Variants in CCDC171 observed in about 807,000 individuals in gnomAD.
CCDC171 encodes coiled-coil domain containing 171.
Under a neutral mutation model 168.2 loss-of-function variants are expected in CCDC171, and 177 were observed. The ratio of observed to expected loss-of-function variants is 1.05; its 90% CI spans 0.93 to 1.19. CCDC171 has a LOEUF of 1.19. Among genes scored for constraint, CCDC171 ranks in the 50% most tolerant of loss-of-function variants. The pLI, the probability that CCDC171 is intolerant of heterozygous loss-of-function variation, is 0.00. For missense variants in CCDC171, 1,991 were observed against 1,539.0 expected (o/e 1.29, Z -4.91); for synonymous variants, 687 against 540.8 (o/e 1.27, Z -3.75).
chr9:15,950,169 G>A (rs571335063), intron 25 of CCDC171, among the ~76,000 whole-genome samples: 3 of 152,196 alleles, frequency 2.0e-5, no homozygotes, highest in South Asian at 2.1e-4. Context: ...TGAAAGTGAC[G>A]GGGAGAATGG....
chr9:15,558,944 A>G (rs200461673), intron 1 of CCDC171, among the ~76,000 whole-genome samples: 2 of 151,988 alleles, frequency 1.3e-5, no homozygotes, highest in African/African-American at 2.4e-5. Context: ...CTTTGTTCTC[A>G]TTGGTTTCAA....
intron 6 of CCDC171, among the ~76,000 whole-genome samples, chr9:16,033,419 A>G (rs1328274432): frequency 6.6e-6 from 1 of 152,164 alleles, no homozygotes; most frequent in Non-Finnish European, 1.5e-5. Context: ...TTAGATTCTC[A>G]TAGGAGCGCA....
upstream of CCDC171, among the ~76,000 whole-genome samples, chr9:16,041,026 G>A (rs1833563188): frequency 6.6e-6 from 1 of 151,282 alleles, no homozygotes; most frequent in Non-Finnish European, 1.5e-5. Flanking sequence ...CAGCTACTGT[G>A]TGTGTAGCTA....
intron 21 of CCDC171, among the ~76,000 whole-genome samples, chr9:15,794,396 C>G (rs181324803): frequency 6.6e-6 from 1 of 152,158 alleles, no homozygotes; most frequent in East Asian, 1.9e-4. Context: ...ACCCGGGAGG[C>G]AGAGGTTGTA....
chr9:15,866,693 T>A (rs1375823587), intron 23 of CCDC171, among the ~76,000 whole-genome samples: 1 of 151,982 alleles, frequency 6.6e-6, no homozygotes. Flanking sequence ...CATAATACTC[T>A]GGCAAAGAAA....
At position 15,786,494 on chromosome 9, in the gene CCDC171, A is replaced by T. The variant is rs1346069682; in HGVS notation, c.3267+1800A>T. On this transcript the variant is annotated intron_variant, in intron 21 of 25. Transcript: ENST00000380701. ...AAATATAACTGAATATAGGTTAATAAAAATACAATCATACTATTATACATA... is the reference window on the plus strand; with the variant it reads ...AAATATAACTGAATATAGGTTAATATAAATACAATCATACTATTATACATA... 3.3e-5 allele frequency among the ~76,000 whole-genome samples: 5 copies of T among 152,162 alleles called. No individual in the cohort carries two copies. The East Asian group carries it at 9.6e-4, about 29-fold the overall frequency.
At chr9:15,645,982 A>G (rs1587703657) in intron 7 of CCDC171, among the ~76,000 whole-genome samples, 1 of 152,208 alleles carries the variant, frequency 6.6e-6, no homozygotes, top group African/African-American at 2.4e-5. Flanking sequence ...TAAAAATGTT[A>G]AGGGCAACCA....
intron 8 of CCDC171, among the ~76,000 whole-genome samples, chr9:15,658,780 G>A (rs2048116687): frequency 6.6e-6 from 1 of 152,136 alleles, no homozygotes; most frequent in African/African-American, 2.4e-5. Context: ...CAGAAGGAAT[G>A]GAGTCTTGCT....
chr9:15,578,690 G>T (rs1398522610), intron 3 of CCDC171, among the ~76,000 whole-genome samples, 159 bp from the exon 4 acceptor site: 33 of 151,406 alleles, frequency 2.2e-4, no homozygotes, highest in Admixed American at 2.2e-3. Context: ...GTGTCATTTT[G>T]TAAGGTAGTG....
At chr9:15,956,744 A>T (rs1334825150) in intron 25 of CCDC171, among the ~76,000 whole-genome samples, 1 of 152,110 alleles carries the variant, frequency 6.6e-6, no homozygotes. Flanking sequence ...ACATGACAAA[A>T]ATTTACAGAA....
At chr9:16,046,774 A>T (rs979802340) in intron 1 of CCDC171, among the ~76,000 whole-genome samples, 1 of 152,158 alleles carries the variant, frequency 6.6e-6, no homozygotes, top group African/African-American at 2.4e-5. Context: ...TTCCACCATG[A>T]TTATGAGGCC....
intron 10 of CCDC171, among the ~76,000 whole-genome samples, chr9:15,683,438 G>C (rs1008488552): frequency 8.6e-4 from 131 of 151,852 alleles, no homozygotes; most frequent in African/African-American, 2.8e-3. Context: ...AAAACTAATG[G>C]GCTAATAAAT....
intron 25 of CCDC171, among the ~76,000 whole-genome samples, chr9:15,944,249 T>A (rs1564038637): frequency 6.6e-6 from 1 of 151,960 alleles, no homozygotes; most frequent in African/African-American, 2.4e-5. Context: ...CTGTGGCTAT[T>A]GCTTTTCTTT....
intron 7 of CCDC171, among the ~76,000 whole-genome samples, chr9:15,644,004 C>A (rs2046839502): frequency 2.6e-5 from 4 of 152,142 alleles, no homozygotes; most frequent in Admixed American, 2.6e-4. Flanking sequence ...TGCATTCCAT[C>A]TTTGGCTGTT....
At chr9:15,747,030 G>A (rs1474389997) in intron 18 of CCDC171, among the ~76,000 whole-genome samples, 1 of 152,184 alleles carries the variant, frequency 6.6e-6, no homozygotes, top group African/African-American at 2.4e-5. Context: ...TGCTGCTAGT[G>A]CAGCAGTCTG....
the CCDC171 span, among the ~76,000 whole-genome samples, chr9:16,082,170 A>G: frequency 6.6e-6 from 1 of 152,244 alleles, no homozygotes; most frequent in Non-Finnish European, 1.5e-5. Flanking sequence ...TCATTTCTAG[A>G]CAACTGCCCT....
intron 1 of CCDC171, among the ~76,000 whole-genome samples, chr9:16,045,523 T>A (rs1368796498): frequency 6.6e-6 from 1 of 152,144 alleles, no homozygotes; most frequent in East Asian, 1.9e-4. Context: ...CTCCAGACAT[T>A]GCCTAGTACT....
chr9:15,777,632 A>G lies in CCDC171; in HGVS notation c.2704A>G (p.Ile902Val), dbSNP rs765167730. Reference sequence around the variant, plus strand: ...TTCCAGAATTTGTGGACATTTACTCATAGGTGCAGCCAAGAATTCTTTTGC... The same window carrying G: ...TTCCAGAATTTGTGGACATTTACTCGTAGGTGCAGCCAAGAATTCTTTTGC... ...PNSRICGHLLIGAAKNSFAKL... is the reference protein window; with the variant it reads ...PNSRICGHLLVGAAKNSFAKL... The change falls in exon 19 of 26, where the codon ATA (isoleucine) becomes GTA (valine). Residue 902 changes from isoleucine to valine, a missense_variant. Coordinates refer to ENST00000380701, the MANE Select transcript of CCDC171 (RefSeq NM_173550.4). 1 of 1,612,810 alleles carries G rather than the reference A, an allele frequency of 6.2e-7. No individual in the cohort carries two copies. The highest frequency in any genetic ancestry group is 2.2e-5 in the East Asian group (1 of 44,856).
In CCDC171 at chr9:15,564,079, G is replaced by C. The variant is rs756819313; in HGVS notation, c.-10G>C. On this transcript the variant is annotated 5_prime_UTR_variant, in exon 2 of 26. Transcript: ENST00000380701. ...AATAGCAGGGTATTTTGAAAGAGTT[G>C]GAAAACATCATGAATTTGAATACTT... 5.6e-6 allele frequency: 9 copies of C among 1,599,800 alleles called. No individual in the cohort carries two copies. Among genetic ancestry groups the C allele is most frequent in the Non-Finnish European group, 6.8e-6 (8 of 1,170,320 alleles).
Sources: gnomAD v4.1 joint callset for allele counts (sites outside exome capture counted in the v4.1 genomes callset) on GRCh38, gnomAD v4.1.1 for gene constraint, MANE v1.5 for transcripts, NCBI Gene and HGNC (gene_info 2026-07-23, HGNC 2026-07-21) for gene names.